Variants in UBE4B observed in about 807,000 individuals in gnomAD.
UBE4B encodes the protein ubiquitination factor E4B.
UBE4B carries 27 observed loss-of-function variants against 148.1 expected under a neutral mutation model. That is an observed-to-expected ratio of 0.18 (90% CI 0.13 to 0.25). The LOEUF is 0.25. UBE4B is among the 10% of genes least tolerant of loss of function. The pLI, the probability that UBE4B is intolerant of heterozygous loss-of-function variation, is 1.00. For synonymous variants in UBE4B, 596 were observed against 619.3 expected (o/e 0.96, Z 0.56); for missense variants, 1,170 against 1,662.4 (o/e 0.70, Z 5.15).
chr1:10,088,680 T>G (rs916595142), intron 2 of UBE4B, among the ~76,000 whole-genome samples: 26 of 151,800 alleles, frequency 1.7e-4, no homozygotes, highest in African/African-American at 6.3e-4. Context: ...CGTATTTTAT[T>G]ATTTTATTAT....
intron 2 of UBE4B, among the ~76,000 whole-genome samples, chr1:10,083,284 C>T (rs1644713808): frequency 2.0e-5 from 3 of 152,136 alleles, no homozygotes; most frequent in Admixed American, 6.5e-5. Flanking sequence ...TCTTTGCAGA[C>T]AGAAGGAAAA....
intron 5 of UBE4B, 22 bp from the exon 6 acceptor site, chr1:10,105,494 C>A: frequency 6.2e-7 from 1 of 1,610,978 alleles, no homozygotes; most frequent in South Asian, 1.1e-5. Context: ...GTAACCTGTT[C>A]TTTGTTCTGC....
intron 1 of UBE4B, among the ~76,000 whole-genome samples, chr1:10,046,722 A>G (rs1338995628): frequency 1.3e-5 from 2 of 152,174 alleles, no homozygotes; most frequent in African/African-American, 4.8e-5. Context: ...TGAAGTGGAC[A>G]TTGGAGGCTA....
chr1:10,099,861 A>G (rs933207112), intron 3 of UBE4B, among the ~76,000 whole-genome samples: 3 of 152,232 alleles, frequency 2.0e-5, no homozygotes, highest in Admixed American at 2.0e-4. Flanking sequence ...TATTAATGTA[A>G]AAAGGATGAT....
intron 1 of UBE4B, among the ~76,000 whole-genome samples, chr1:10,035,724 TTTTTTTA>T (rs1229624875): frequency 2.7e-5 from 4 of 146,760 alleles, no homozygotes; most frequent in Non-Finnish European, 4.5e-5. Flanking sequence ...TTTTTTTATT[TTTTTTTA>T]TTTTTTATTT....
Position 10,106,420 on chromosome 1 carries a change from TC to T in UBE4B, c.1035del (p.Ile346PhefsTer49), listed in dbSNP as rs1170589979. ...VTHPWASSGVSILSSSPSPPA... is the reference protein window; with the variant it reads ...VTHPWASSGVXILSSSPSPPA... ...TCACCCATGGGCGTCCTCAGGCGTC[TC>T]CATTCTGTCGAGCTCCCCAAGTCCC... On this transcript the variant is annotated frameshift_variant, in exon 7 of 28. Coordinates refer to ENST00000343090, the MANE Select transcript of UBE4B (RefSeq NM_001105562.3). LOFTEE classifies it high-confidence loss of function. This position sits in a 1 kb window ranked among gnomAD's most constrained non-coding sequence, Gnocchi z 4.2. The T allele has an allele frequency of 6.2e-7, 1 of 1,613,666 alleles. No individual in the cohort carries two copies. Among genetic ancestry groups the T allele is most frequent in the Admixed American group, 1.7e-5 (1 of 59,970 alleles).
At position 10,180,604 on chromosome 1, in the gene UBE4B, A is replaced by G. The variant is rs893314692; in HGVS notation, c.*648A>G. On this transcript the variant is annotated 3_prime_UTR_variant, in exon 28 of 28. Transcript: ENST00000343090. ...ATAAAAAAGGCAAGATATTTTCAGA[A>G]TTTGAATTTCAGTTTTTTTTTTCTT... 6.6e-6 allele frequency: 1 copy of G among 152,522 alleles called. No individual in the cohort carries two copies. The highest frequency in any genetic ancestry group is 2.1e-4 in the South Asian group (1 of 4,828). 9.4% of individuals were successfully genotyped at this position (152,522 alleles called of 1,614,324 possible). A position where few individuals can be genotyped will look rare whatever the true frequency, so the allele number is the denominator to read the frequency against.
At chr1:10,177,658 A>AAT (rs373828728) in intron 25 of UBE4B, among the ~76,000 whole-genome samples, 4,608 of 151,144 alleles carry the variant, frequency 0.03, 226 homozygotes, top group African/African-American at 0.11. Flanking sequence ...TCTGTCTCAA[A>AAT]ATATATATAT....
At position 10,180,802 on chromosome 1, in the gene UBE4B, T is replaced by G. The variant is rs1221096977; in HGVS notation, c.*846T>G. On this transcript the variant is annotated 3_prime_UTR_variant, in exon 28 of 28. Transcript: ENST00000343090. ...ATATTTTGGGGAGATGAGGGTTGGGTTTTTTTTTTAATGCTACGTGACAGT... is the reference window on the plus strand; with the variant it reads ...ATATTTTGGGGAGATGAGGGTTGGGGTTTTTTTTTAATGCTACGTGACAGT... The G allele has an allele frequency of 1.4e-5, 2 of 146,662 alleles. No individual in the cohort carries two copies. Among genetic ancestry groups the G allele is most frequent in the East Asian group, 3.9e-4 (2 of 5,074 alleles). 9.1% of individuals were successfully genotyped at this position (146,662 alleles called of 1,614,324 possible).
At chr1:10,092,021 A>G (rs1644856627) in intron 2 of UBE4B, among the ~76,000 whole-genome samples, 1 of 152,040 alleles carries the variant, frequency 6.6e-6, no homozygotes, top group African/African-American at 2.4e-5. Context: ...AAGTGCTGGG[A>G]TTACAGATGT....
At chr1:10,145,933 A>G (rs1645863317) in intron 18 of UBE4B, among the ~76,000 whole-genome samples, 1 of 152,186 alleles carries the variant, frequency 6.6e-6, no homozygotes, top group South Asian at 2.1e-4. Flanking sequence ...TCTTCTATTC[A>G]TGTTCCAGTT....
chr1:10,089,504 A>G (rs1355682827), intron 2 of UBE4B, among the ~76,000 whole-genome samples: 1 of 132,026 alleles, frequency 7.6e-6, no homozygotes, highest in African/African-American at 3.0e-5. Flanking sequence ...CATGTCTCTG[A>G]AAAAAAAAAA....
chr1:10,053,371 G>T (rs531287595), intron 1 of UBE4B, among the ~76,000 whole-genome samples: 7 of 151,924 alleles, frequency 4.6e-5, no homozygotes, highest in African/African-American at 1.7e-4. Context: ...GGGTAGTCTC[G>T]ATCTCCTGAC....
At chr1:10,085,277 C>G (rs1028886299) in intron 2 of UBE4B, among the ~76,000 whole-genome samples, 3 of 152,188 alleles carry the variant, frequency 2.0e-5, no homozygotes, top group African/African-American at 4.8e-5. Flanking sequence ...CCTTTGTTCC[C>G]TTCTCCTTCT....
rs537147478 is a variant in UBE4B, at chr1:10,131,486, A to G, written c.1911+673A>G. On this transcript the variant is annotated intron_variant, in intron 14 of 27. Transcript: ENST00000343090. ...GGCGACAGAGCAAGACTCCATCTCA[A>G]AAAAAAGAAACAGGCAAAGAAGTTA... is the stretch of plus-strand genomic sequence containing the variant. 4.6e-5 allele frequency among the ~76,000 whole-genome samples: 7 copies of G among 152,258 alleles called. No individual in the cohort carries two copies. In the South Asian group the frequency reaches 1.2e-3, roughly 27 times the overall value.
At chr1:10,042,420 G>A (rs907769960) in intron 1 of UBE4B, among the ~76,000 whole-genome samples, 3 of 151,376 alleles carry the variant, frequency 2.0e-5, no homozygotes, top group Non-Finnish European at 4.4e-5. Context: ...ATGCTGAGGC[G>A]GGTGGATCAC....
intron 1 of UBE4B, among the ~76,000 whole-genome samples, chr1:10,069,285 T>C (rs1644443986): frequency 1.3e-5 from 2 of 152,208 alleles, no homozygotes; most frequent in African/African-American, 2.4e-5. Flanking sequence ...GTTCAGTGCA[T>C]TTTTCTAGTA....
At chr1:10,046,619 C>T (rs1197948885) in intron 1 of UBE4B, among the ~76,000 whole-genome samples, 1 of 152,180 alleles carries the variant, frequency 6.6e-6, no homozygotes, top group Non-Finnish European at 1.5e-5. Flanking sequence ...ATTCTGGTCT[C>T]TTGAAGGAGC....
chr1:10,042,517 C>T (rs763140567), intron 1 of UBE4B, among the ~76,000 whole-genome samples: 6 of 152,152 alleles, frequency 3.9e-5, no homozygotes, highest in Non-Finnish European at 8.8e-5. Flanking sequence ...CGTGGTGGTG[C>T]ACGCCTGTAA....
Sources: gnomAD v4.1 joint callset for allele counts (sites outside exome capture counted in the v4.1 genomes callset) on GRCh38, gnomAD v4.1.1 for gene constraint, Gnocchi (gnomAD v3.1) non-coding constraint, MANE v1.5 for transcripts, NCBI Gene and HGNC (gene_info 2026-07-23, HGNC 2026-07-21) for gene names.